Variants in CMIP observed in about 807,000 individuals in gnomAD.
CMIP encodes the protein C-Maf-inducing protein.
CMIP carries 13 observed loss-of-function variants against 97.3 expected under a neutral mutation model. That is an observed-to-expected ratio of 0.13 (90% CI 0.09 to 0.21). The LOEUF (loss-of-function observed/expected upper bound fraction) is 0.21. Among genes scored for constraint, CMIP ranks in the 10% least tolerant of loss-of-function variants. The probability of loss-of-function intolerance (pLI) is 1.00; values close to 1 mark genes in which losing one functional copy is unlikely to be tolerated. For synonymous variants in CMIP, 538 were observed against 436.3 expected, an observed-to-expected ratio of 1.23 and a Z score of -2.91; for missense variants, 847 against 1,024.9, an observed-to-expected ratio of 0.83 and a Z score of 2.37.
intron 1 of CMIP, among the ~76,000 whole-genome samples, chr16:81,547,616 G>A (rs909995085): frequency 7.4e-6 from 1 of 134,982 alleles, no homozygotes; most frequent in African/African-American, 3.9e-5. Flanking sequence ...AAGCGGGGGA[G>A]GAGGAGGAGG....
chr16:81,645,929 T>A (rs1054475745), intron 3 of CMIP: 1 of 437,224 alleles, frequency 2.3e-6, no homozygotes. Flanking sequence ...AGTAATAGAC[T>A]GTAAGTTTCA....
chr16:81,582,815 T>C (rs573582191), intron 1 of CMIP, among the ~76,000 whole-genome samples: 2 of 152,166 alleles, frequency 1.3e-5, no homozygotes, highest in African/African-American at 4.8e-5. Context: ...GCGAGCGGAA[T>C]GCCCAACAGC....
chr16:81,571,815 T>C (rs1260119697), intron 1 of CMIP, among the ~76,000 whole-genome samples: 1 of 152,176 alleles, frequency 6.6e-6, no homozygotes, highest in Admixed American at 6.5e-5. Context: ...CTTCCCTGGC[T>C]GGAAGCCTCT....
At chr16:81,458,199 G>A (rs1372659246) in intron 1 of CMIP, among the ~76,000 whole-genome samples, 1 of 152,120 alleles carries the variant, frequency 6.6e-6, no homozygotes, top group Non-Finnish European at 1.5e-5. Context: ...CTTCTAAAGA[G>A]GCCTTCATCT....
intron 1 of CMIP, among the ~76,000 whole-genome samples, chr16:81,530,490 G>T (rs1008879311): frequency 6.6e-6 from 1 of 152,028 alleles, no homozygotes; most frequent in African/African-American, 2.4e-5. Context: ...TGTGGGATCG[G>T]TGTAGCCCGT....
chr16:81,644,471 G>C (rs1370627571), intron 3 of CMIP, among the ~76,000 whole-genome samples: 1 of 152,206 alleles, frequency 6.6e-6, no homozygotes, highest in Non-Finnish European at 1.5e-5. Flanking sequence ...AGACTTGGCG[G>C]CCAAAAGGGC....
intron 10 of CMIP, among the ~76,000 whole-genome samples, chr16:81,686,151 C>T (rs1274337780): frequency 2.0e-5 from 3 of 152,216 alleles, no homozygotes; most frequent in Non-Finnish European, 2.9e-5. Context: ...ACCTGGCACG[C>T]AGCAGGCGCT....
chr16:81,618,273 A>G (rs2091947493), intron 2 of CMIP, among the ~76,000 whole-genome samples: 1 of 152,100 alleles, frequency 6.6e-6, no homozygotes, highest in Non-Finnish European at 1.5e-5. Flanking sequence ...TCCAGCTTCT[A>G]AAGGCTGTCC....
intron 1 of CMIP, among the ~76,000 whole-genome samples, chr16:81,487,299 C>T (rs375852425): frequency 1.3e-5 from 2 of 152,202 alleles, no homozygotes; most frequent in Non-Finnish European, 2.9e-5. Context: ...AAGGCTGTCC[C>T]GGGCGGTCAC....
intron 3 of CMIP, among the ~76,000 whole-genome samples, chr16:81,639,036 G>T (rs1035091961): frequency 1.3e-5 from 2 of 152,172 alleles, no homozygotes; most frequent in South Asian, 4.1e-4. Flanking sequence ...CCGAGGGAGA[G>T]TCCAGGATTG....
chr16:81,548,039 C>T (rs964054944), intron 1 of CMIP, among the ~76,000 whole-genome samples: 14 of 151,924 alleles, frequency 9.2e-5, no homozygotes, highest in Non-Finnish European at 1.8e-4. Context: ...CAGCGGCTGG[C>T]ATTTATCTAG....
At position 81,709,862 on chromosome 16, in the gene CMIP, C is replaced by T. The variant is rs1567680223; in HGVS notation, c.*63C>T. 19 of 1,566,274 alleles carry T rather than the reference C, an allele frequency of 1.2e-5. No homozygotes were observed. Among genetic ancestry groups the T allele is most frequent in the South Asian group, 5.6e-5 (5 of 88,580 alleles). On this transcript the variant is annotated 3_prime_UTR_variant, in exon 21 of 21. Transcript: ENST00000537098. ...GACAAAATAACTCTTGACTAACAGC[C>T]GCAGAGCAGCCGGTCCTGGGGTCCC...
In CMIP at chr16:81,616,623, G is replaced by C. The variant is rs561729859; in HGVS notation, c.427-4253G>C. Among the ~76,000 whole-genome samples, 112 of 152,330 alleles carry C rather than the reference G, an allele frequency of 7.4e-4. 1 individual carries two copies. Among genetic ancestry groups the C allele is most frequent in the African/African-American group, 2.6e-3 (110 of 41,566 alleles). ...TGAACCGAAACCTGCCTTCTTCCTGGACTGCCACACCGACCTCCAAGAGTT... is the reference window on the plus strand; with the variant it reads ...TGAACCGAAACCTGCCTTCTTCCTGCACTGCCACACCGACCTCCAAGAGTT... On this transcript the variant is annotated intron_variant, in intron 2 of 20. Coordinates refer to ENST00000537098, the MANE Select transcript of CMIP (RefSeq NM_198390.3). This position sits in a 1 kb window ranked among gnomAD's most constrained non-coding sequence, Gnocchi z 4.7.
At chr16:81,593,076 G>A (rs1192178933) in intron 1 of CMIP, among the ~76,000 whole-genome samples, 1 of 152,152 alleles carries the variant, frequency 6.6e-6, no homozygotes, top group Non-Finnish European at 1.5e-5. Flanking sequence ...TCAGTCGTTT[G>A]CTCTATTATT....
rs529567126 is a variant in CMIP, at chr16:81,652,435, G to A, written c.639+71G>A. On this transcript the variant is annotated intron_variant, in intron 4 of 20. Transcript: ENST00000537098. The surrounding 1 kb of genome is among the most constrained non-coding windows in gnomAD (Gnocchi z 5.2). ...CCACCGATCACCGGCTCCATGCCAA[G>A]CAGCAGGCGCAGGCAGAGCTCCGTG... 2.2e-6 allele frequency: 3 copies of A among 1,348,898 alleles called. No homozygotes were observed. The highest frequency in any genetic ancestry group is 1.3e-5 in the South Asian group (1 of 76,706). The allele number at this position is 1,348,898 out of a possible 1,614,324, so 83.6% of individuals were successfully genotyped here. A position where few individuals can be genotyped will look rare whatever the true frequency, so the allele number is the denominator to read the frequency against.
rs181122142 is a variant in CMIP, at chr16:81,660,713, T to G, written c.682-171T>G. Among the ~76,000 whole-genome samples, 169 of 150,738 alleles carry G rather than the reference T, an allele frequency of 1.1e-3. 2 individuals are homozygous for G. Among genetic ancestry groups the G allele is most frequent in the African/African-American group, 3.5e-3 (145 of 41,074 alleles). On this transcript the variant is annotated intron_variant, in intron 5 of 20. Transcript: ENST00000537098. Reference sequence around the variant, plus strand: ...ACAGACAGATACGGTTGTGGATTTTTGGGGGATTTTTTCTTTTCTTTTTTT... The same window carrying G: ...ACAGACAGATACGGTTGTGGATTTTGGGGGGATTTTTTCTTTTCTTTTTTT...
intron 1 of CMIP, among the ~76,000 whole-genome samples, chr16:81,605,255 G>A (rs955938526): frequency 1.3e-5 from 2 of 152,220 alleles, no homozygotes; most frequent in Admixed American, 6.5e-5. Context: ...GCTGCATAAA[G>A]AGAACCTTCT....
intron 3 of CMIP, chr16:81,632,174 C>G (rs2092171016): frequency 6.6e-6 from 1 of 152,170 alleles, no homozygotes; most frequent in Admixed American, 6.5e-5. Context: ...TCCTCGCGCC[C>G]CTTTCCAGCC....
At chr16:81,474,211 C>T (rs188200951) in intron 1 of CMIP, among the ~76,000 whole-genome samples, 1 of 152,100 alleles carries the variant, frequency 6.6e-6, no homozygotes, top group Non-Finnish European at 1.5e-5. Flanking sequence ...CTTTGTACCC[C>T]CCGGGCTTGG....
Sources: allele counts gnomAD v4.1 joint callset (sites outside exome capture counted in the v4.1 genomes callset), GRCh38; gene constraint gnomAD v4.1.1; non-coding constraint Gnocchi (gnomAD v3.1); transcripts MANE v1.5; gene names NCBI Gene and HGNC (gene_info 2026-07-23, HGNC 2026-07-21).